The following CD226 variants were observed in gnomAD, a reference collection of about 807,000 sequenced individuals.
The protein encoded by CD226 is CD226 molecule, also known as CD226 antigen.
In CD226, 24 loss-of-function variants were observed where a neutral mutation model predicts 34.9. The ratio of observed to expected loss-of-function variants is 0.69; its 90% CI spans 0.50 to 0.97. The LOEUF (loss-of-function observed/expected upper bound fraction) is 0.97. CD226 is among the 50% of genes least tolerant of loss of function. The pLI is 0.00. For missense variants in CD226, 397 were observed against 412.7 expected (o/e 0.96, Z 0.33); for synonymous variants, 148 against 147.4 (o/e 1.00, Z -0.03).
At chr18:69,949,925 AAC>A (rs1356425344), upstream of CD226, among the ~76,000 whole-genome samples, 4 of 150,726 alleles carry the variant, frequency 2.7e-5, no homozygotes, top group East Asian at 2.0e-4. Context: ...TATACTCTCA[AAC>A]ACACATCCAC....
chr18:69,894,937 A>G (rs1373764917), intron 3 of CD226, among the ~76,000 whole-genome samples: 1 of 152,054 alleles, frequency 6.6e-6, no homozygotes, highest in East Asian at 1.9e-4. Flanking sequence ...TGACAAAAAA[A>G]AGACAAATGC....
At chr18:69,954,857 A>T (rs916432833) in intron 1 of CD226, among the ~76,000 whole-genome samples, 13 of 152,142 alleles carry the variant, frequency 8.5e-5, no homozygotes, top group African/African-American at 3.1e-4. Flanking sequence ...ATTTATCAAC[A>T]TCTAACCAAA....
At chr18:69,937,182 A>T (rs2055664883) in intron 2 of CD226, among the ~76,000 whole-genome samples, 1 of 152,244 alleles carries the variant, frequency 6.6e-6, no homozygotes, top group Non-Finnish European at 1.5e-5. Flanking sequence ...ATGAATTGTA[A>T]ACCGGAATAA....
intron 2 of CD226, among the ~76,000 whole-genome samples, chr18:69,913,773 T>C (rs4891787): frequency 0.77 from 117,388 of 152,146 alleles, 52,121 homozygotes; most frequent in East Asian, 1. Flanking sequence ...TCAAGTGTCC[T>C]AGTGAAATGC....
rs973434517 is a variant in CD226, at chr18:69,854,024, C to T, written c.*10290G>A. On this transcript the variant is annotated 3_prime_UTR_variant, in exon 6 of 6. Coordinates refer to ENST00000582621, the MANE Select transcript of CD226 (RefSeq NM_001303618.2). The stretch of plus-strand genomic sequence containing the variant: ...GTATCAGAAAGTCAGGGCAAAGAGA[C>T]AGGTCAGAAACCACGATAACAAAAA... The T allele has an allele frequency of 1.3e-5, 2 of 152,154 alleles. No homozygotes were observed. The highest frequency in any genetic ancestry group is 4.8e-5 in the African/African-American group (2 of 41,418). The allele number at this position is 152,154 out of a possible 1,614,324, so 9.4% of individuals were successfully genotyped here. A position where few individuals can be genotyped will look rare whatever the true frequency, so the allele number is the denominator to read the frequency against.
intron 3 of CD226, among the ~76,000 whole-genome samples, chr18:69,875,379 C>T (rs1180260187): frequency 2.0e-5 from 3 of 152,212 alleles, no homozygotes; most frequent in African/African-American, 4.8e-5. Context: ...CTCAGGTGAT[C>T]CATCTGCCTT....
intron 3 of CD226, among the ~76,000 whole-genome samples, chr18:69,877,535 G>A (rs548844548): frequency 2.0e-5 from 3 of 152,306 alleles, no homozygotes; most frequent in African/African-American, 7.2e-5. Flanking sequence ...AGCAAGTCCT[G>A]TCCAGACTTT....
chr18:69,873,198 A>T lies in CD226; in HGVS notation c.776T>A (p.Leu259Ter). ...AATTGAGATAACAAACAACAACAATAAAACTGTCCCTCCAGCCACAAAGAG... is the reference window on the plus strand; with the variant it reads ...AATTGAGATAACAAACAACAACAATTAAACTGTCCCTCCAGCCACAAAGAG... ...YTLFVAGGTV[L>*]LLLFVISITT... The change falls in exon 4 of 6, where the codon TTA (leucine) becomes TAA (stop). Residue 259 changes from leucine (L) to a stop codon, truncating the protein, a stop_gained. Transcript: ENST00000582621. LOFTEE classifies it high-confidence loss of function. 1.2e-6 allele frequency: 2 copies of T among 1,611,750 alleles called. No individual in the cohort carries two copies. The highest frequency in any genetic ancestry group is 1.7e-6 in the Non-Finnish European group (2 of 1,177,944).
At chr18:69,866,781 TG>T (rs1183322381) in intron 5 of CD226, among the ~76,000 whole-genome samples, 3 of 151,968 alleles carry the variant, frequency 2.0e-5, no homozygotes, top group Non-Finnish European at 4.4e-5. Context: ...TGGAGAGGGG[TG>T]GGCCTTTAAG....
intron 3 of CD226, among the ~76,000 whole-genome samples, chr18:69,885,925 C>G (rs1447867710): frequency 6.7e-6 from 1 of 149,236 alleles, no homozygotes; most frequent in African/African-American, 2.4e-5. Flanking sequence ...CACGAACCAC[C>G]CCCGCTCCCC....
intron 2 of CD226, among the ~76,000 whole-genome samples, chr18:69,917,413 TCTG>T (rs1171426489): frequency 1.3e-5 from 2 of 152,074 alleles, no homozygotes; most frequent in Non-Finnish European, 2.9e-5. Context: ...CTTCCCTCCT[TCTG>T]CTGCTTTCTG....
intron 2 of CD226, 48 bp downstream of exon 2, chr18:69,946,686 T>C: frequency 8.2e-7 from 1 of 1,223,962 alleles, no homozygotes; most frequent in Non-Finnish European, 1.2e-6. Flanking sequence ...AAATAAATGT[T>C]GTAAGTGGAT....
intron 2 of CD226, among the ~76,000 whole-genome samples, chr18:69,899,892 C>T (rs1207400309): frequency 2.0e-5 from 3 of 152,168 alleles, no homozygotes; most frequent in African/African-American, 7.2e-5. Flanking sequence ...GAGATAAAAG[C>T]AGAACTACCA....
chr18:69,927,377 C>CACACACACACACAA (rs2055534665), intron 2 of CD226, among the ~76,000 whole-genome samples: 1 of 151,346 alleles, frequency 6.6e-6, no homozygotes, highest in Non-Finnish European at 1.5e-5. Flanking sequence ...CACACACACA[C>CACACACACACACAA]ACACACACAC....
At chr18:69,887,388 T>A (rs565804945) in intron 3 of CD226, among the ~76,000 whole-genome samples, 1 of 152,246 alleles carries the variant, frequency 6.6e-6, no homozygotes, top group Non-Finnish European at 1.5e-5. Flanking sequence ...ACATAAGATG[T>A]GAAAAACTGA....
At chr18:69,894,644 G>C in intron 3 of CD226, among the ~76,000 whole-genome samples, 1 of 126,282 alleles carries the variant, frequency 7.9e-6, no homozygotes, top group Non-Finnish European at 1.7e-5. Context: ...AGGAGGGGAG[G>C]GGAGGGAGGA....
upstream of CD226, among the ~76,000 whole-genome samples, chr18:69,951,244 T>C (rs992212095): frequency 1.2e-4 from 19 of 152,008 alleles, no homozygotes; most frequent in African/African-American, 4.1e-4. Flanking sequence ...TCCTAAAGTG[T>C]TGGGAGTACG....
In CD226 at chr18:69,861,663, T is replaced by C. The variant is rs1982838979; in HGVS notation, c.*2651A>G. ...AGAATTTACTGGAATTCTGATCGTT[T>C]ATTCTGTGGATCTGTTTTTCATCTG... On this transcript the variant is annotated 3_prime_UTR_variant, in exon 6 of 6. Coordinates refer to ENST00000582621, the MANE Select transcript of CD226 (RefSeq NM_001303618.2). 1 of 151,412 alleles carries C rather than the reference T, an allele frequency of 6.6e-6. No individual in the cohort carries two copies. Among genetic ancestry groups the C allele is most frequent in the South Asian group, 2.1e-4 (1 of 4,802 alleles). The allele number at this position is 151,412 out of a possible 1,614,324, so 9.4% of individuals were successfully genotyped here.
chr18:69,895,238 C>T (rs1268258786), intron 3 of CD226, among the ~76,000 whole-genome samples: 1 of 152,154 alleles, frequency 6.6e-6, no homozygotes, highest in East Asian at 1.9e-4. Context: ...AACTGGCAAC[C>T]GCATTCTCAA....
Sources: gnomAD v4.1 joint callset for allele counts (sites outside exome capture counted in the v4.1 genomes callset) on GRCh38, gnomAD v4.1.1 for gene constraint, MANE v1.5 for transcripts, NCBI Gene and HGNC (gene_info 2026-07-23, HGNC 2026-07-21) for gene names.